The following SLC5A4 variants were observed in gnomAD, a reference collection of about 807,000 sequenced individuals.
The protein encoded by SLC5A4 is solute carrier family 5 member 4.
Under a neutral mutation model 70.3 loss-of-function variants are expected in SLC5A4, and 55 were observed. That is an observed-to-expected ratio of 0.78 (90% CI 0.63 to 0.98). The LOEUF (loss-of-function observed/expected upper bound fraction) is 0.98. Among genes scored for constraint, SLC5A4 ranks in the 50% least tolerant of loss-of-function variants. The pLI is 0.00. For synonymous variants in SLC5A4, 268 were observed against 305.7 expected (o/e 0.88, Z 1.29); for missense variants, 735 against 839.2 (o/e 0.88, Z 1.53).
At chr22:32,256,595 GC>G (rs1228894565), upstream of SLC5A4, among the ~76,000 whole-genome samples, 3 of 151,988 alleles carry the variant, frequency 2.0e-5, no homozygotes, top group Non-Finnish European at 4.4e-5. Context: ...CTCTCTCCAG[GC>G]CCTGGTAACC....
the SLC5A4 span, among the ~76,000 whole-genome samples, chr22:32,267,707 C>A: frequency 6.6e-6 from 1 of 152,284 alleles, no homozygotes; most frequent in South Asian, 2.1e-4. Context: ...TTTCCAAATC[C>A]ATTATGCATT....
At chr22:32,328,997 T>G in the SLC5A4 span, among the ~76,000 whole-genome samples, 4 of 152,342 alleles carry the variant, frequency 2.6e-5, no homozygotes, top group East Asian at 7.7e-4. Context: ...TGCCTCCTGC[T>G]TCCTCTTCCT....
At chr22:32,344,235 G>A in the SLC5A4 span, among the ~76,000 whole-genome samples, 5 of 152,158 alleles carry the variant, frequency 3.3e-5, no homozygotes, top group African/African-American at 1.2e-4. Flanking sequence ...AGACCTTTCT[G>A]AGCCACATTT....
At chr22:32,267,750 C>T in the SLC5A4 span, among the ~76,000 whole-genome samples, 1 of 152,228 alleles carries the variant, frequency 6.6e-6, no homozygotes, top group Admixed American at 6.5e-5. Context: ...TTCTGATATG[C>T]CCCATTTCAG....
At chr22:32,303,033 T>A in the SLC5A4 span, among the ~76,000 whole-genome samples, 19 of 148,866 alleles carry the variant, frequency 1.3e-4, no homozygotes, top group African/African-American at 4.3e-4. Flanking sequence ...TTTACTTATT[T>A]TTTTTCTTTT....
chr22:32,332,080 C>A, the SLC5A4 span, among the ~76,000 whole-genome samples: 2 of 152,182 alleles, frequency 1.3e-5, no homozygotes, highest in South Asian at 4.2e-4. Flanking sequence ...TCCCTGGTGC[C>A]GGCCCCTCCC....
intron 13 of SLC5A4, among the ~76,000 whole-genome samples, chr22:32,222,243 G>A (rs1342431296): frequency 6.6e-6 from 1 of 152,090 alleles, no homozygotes; most frequent in East Asian, 1.9e-4. Flanking sequence ...CTTATTCACA[G>A]GATTTCTTGT....
chr22:32,255,161 T>C, intron 1 of SLC5A4, 34 bp downstream of exon 1: 1 of 1,607,154 alleles, frequency 6.2e-7, no homozygotes, highest in Non-Finnish European at 8.5e-7. Context: ...CTAAACCTTG[T>C]GCCCACCCTA....
chr22:32,250,112 T>C (rs1432314487), intron 3 of SLC5A4, among the ~76,000 whole-genome samples: 1 of 152,170 alleles, frequency 6.6e-6, no homozygotes, highest in East Asian at 1.9e-4. Context: ...TTGAGGCATA[T>C]AGAAATGACA....
the SLC5A4 span, among the ~76,000 whole-genome samples, chr22:32,344,869 TCAG>T: frequency 6.6e-6 from 1 of 152,138 alleles, no homozygotes; most frequent in Non-Finnish European, 1.5e-5. Flanking sequence ...CTGCACTGCT[TCAG>T]AATACGGAAA....
the SLC5A4 span, among the ~76,000 whole-genome samples, chr22:32,334,995 G>T: frequency 3.3e-5 from 5 of 152,330 alleles, no homozygotes; most frequent in South Asian, 1.0e-3. Context: ...GGGACGCTCC[G>T]CAGTGCTGGG....
At chr22:32,342,819 C>A in the SLC5A4 span, among the ~76,000 whole-genome samples, 28 of 152,246 alleles carry the variant, frequency 1.8e-4, no homozygotes, top group African/African-American at 3.4e-4. Flanking sequence ...AAATTAGAGT[C>A]AAAAAATATT....
the SLC5A4 span, among the ~76,000 whole-genome samples, chr22:32,290,025 C>G: frequency 2.6e-5 from 4 of 152,084 alleles, no homozygotes; most frequent in African/African-American, 9.7e-5. Context: ...TTATGATTGG[C>G]ATGATCTCTT....
intron 8 of SLC5A4, 84 bp downstream of exon 8, chr22:32,234,789 G>T: frequency 2.0e-6 from 2 of 981,286 alleles, no homozygotes; most frequent in South Asian, 2.8e-5. Context: ...TTTTCTATGA[G>T]ACAAGAAAGA....
chr22:32,265,754 C>T, the SLC5A4 span, among the ~76,000 whole-genome samples: 2 of 151,622 alleles, frequency 1.3e-5, no homozygotes, highest in Non-Finnish European at 2.9e-5. Context: ...GAACGAGAAA[C>T]GCTTGAACCG....
chr22:32,307,592 T>G, the SLC5A4 span, among the ~76,000 whole-genome samples: 10 of 152,352 alleles, frequency 6.6e-5, no homozygotes, highest in African/African-American at 2.4e-4. Flanking sequence ...TGACCTCTTC[T>G]AGCTCGCCTG....
chr22:32,343,655 C>T, the SLC5A4 span, among the ~76,000 whole-genome samples: 1 of 152,188 alleles, frequency 6.6e-6, no homozygotes, highest in East Asian at 1.9e-4. Context: ...AATCTTCATG[C>T]ATAGCTACTA....
the SLC5A4 span, among the ~76,000 whole-genome samples, chr22:32,328,893 C>A: frequency 6.6e-6 from 1 of 152,226 alleles, no homozygotes; most frequent in East Asian, 1.9e-4. Flanking sequence ...GAGCCTCTGA[C>A]CTTGGCCTGC....
At chr22:32,262,346 T>TCACAGC in the SLC5A4 span, among the ~76,000 whole-genome samples, 1 of 152,176 alleles carries the variant, frequency 6.6e-6, no homozygotes, top group East Asian at 1.9e-4. Context: ...CCTCTGCCAG[T>TCACAGC]CACAGCCACA....
Sources: gnomAD v4.1 joint callset for allele counts (sites outside exome capture counted in the v4.1 genomes callset) on GRCh38, gnomAD v4.1.1 for gene constraint, MANE v1.5 for transcripts, NCBI Gene and HGNC (gene_info 2026-07-23, HGNC 2026-07-21) for gene names.